SEMA5A: variants seen among roughly 807,000 people sequenced by gnomAD.
The protein encoded by SEMA5A is semaphorin 5A, also known as semaphorin-5A.
Under a neutral mutation model 135.5 loss-of-function variants are expected in SEMA5A, and 55 were observed. The observed-to-expected ratio is 0.41, with a 90% CI of 0.33 to 0.51. SEMA5A has a LOEUF of 0.51. Among genes scored for constraint, SEMA5A ranks in the 20% least tolerant of loss-of-function variants. The pLI, the probability that SEMA5A is intolerant of heterozygous loss-of-function variation, is 0.37. For synonymous variants in SEMA5A, 580 were observed against 546.5 expected (o/e 1.06, Z -0.85); for missense variants, 1,290 against 1,419.9 (o/e 0.91, Z 1.47).
chr5:9,200,414 C>A (rs1486339790), intron 9 of SEMA5A, among the ~76,000 whole-genome samples: 1 of 152,138 alleles, frequency 6.6e-6, no homozygotes, highest in Non-Finnish European at 1.5e-5. Flanking sequence ...CTAAGTAAAC[C>A]AGACTCTCCT....
intron 11 of SEMA5A, among the ~76,000 whole-genome samples, chr5:9,167,097 G>C (rs943047104): frequency 2.6e-5 from 4 of 151,632 alleles, no homozygotes; most frequent in African/African-American, 9.7e-5. Context: ...AATTCTAAAG[G>C]AAAAAAAGAG....
chr5:9,083,323 C>T (rs1022736806), intron 16 of SEMA5A, among the ~76,000 whole-genome samples: 1 of 152,048 alleles, frequency 6.6e-6, no homozygotes, highest in Non-Finnish European at 1.5e-5. Flanking sequence ...CTTTTATTGG[C>T]CAATTTACTA....
chr5:9,108,085 A>G lies in SEMA5A; in HGVS notation c.2073+55T>C, dbSNP rs1411466839. ...TGTGCAGAGAATTTTGTGTGTATTG[A>G]GTCTGTATTCCTGGTTCTGGATTGT... is the stretch of plus-strand genomic sequence containing the variant. On this transcript the variant is annotated intron_variant, in intron 16 of 22. Coordinates refer to ENST00000382496, the MANE Select transcript of SEMA5A (RefSeq NM_003966.3). 9 of 1,581,880 alleles carry G rather than the reference A, an allele frequency of 5.7e-6. No individual in the cohort carries two copies. The African/African-American group carries it at 1.2e-4, about 21-fold the overall frequency.
chr5:9,442,614 G>A (rs1758280109), intron 1 of SEMA5A, among the ~76,000 whole-genome samples: 1 of 152,166 alleles, frequency 6.6e-6, no homozygotes, highest in East Asian at 1.9e-4. Flanking sequence ...GGCCCCACAT[G>A]ACTAAGTGTG....
chr5:9,487,805 G>A (rs1734806179), intron 1 of SEMA5A, among the ~76,000 whole-genome samples: 1 of 152,034 alleles, frequency 6.6e-6, no homozygotes, highest in East Asian at 1.9e-4. Context: ...CTGTCATTGT[G>A]AATGGATCAC....
intron 11 of SEMA5A, among the ~76,000 whole-genome samples, chr5:9,174,595 A>C (rs534675888): frequency 6.6e-6 from 1 of 152,216 alleles, no homozygotes; most frequent in African/African-American, 2.4e-5. Context: ...GAATTTAATT[A>C]CAGAGGTCAA....
rs201560159 is a variant in SEMA5A at position 9,271,983 on chromosome 5, C to T, written c.271-34093G>A. Among the ~76,000 whole-genome samples, 4 of 152,028 alleles carry T rather than the reference C, an allele frequency of 2.6e-5. No individual in the cohort carries two copies. In the East Asian group the frequency reaches 5.8e-4, roughly 22 times the overall value. ...AGCCACAGGAGTTGTTTTTTCATACCCCAGTGGCACCTGGAGCACCAGCGA... is the reference window on the plus strand; with the variant it reads ...AGCCACAGGAGTTGTTTTTTCATACTCCAGTGGCACCTGGAGCACCAGCGA... On this transcript the variant is annotated intron_variant, in intron 5 of 22. Transcript: ENST00000382496.
intron 5 of SEMA5A, among the ~76,000 whole-genome samples, chr5:9,309,169 A>G (rs1019162001): frequency 6.6e-6 from 1 of 152,138 alleles, no homozygotes; most frequent in African/African-American, 2.4e-5. Context: ...TGTACTATAG[A>G]GAAAATTGAG....
At chr5:9,067,149 G>T (rs1043493380) in intron 16 of SEMA5A, among the ~76,000 whole-genome samples, 1 of 152,142 alleles carries the variant, frequency 6.6e-6, no homozygotes, top group Non-Finnish European at 1.5e-5. Context: ...TACGTATAAG[G>T]TTTCCCATCA....
At chr5:9,065,189 T>G (rs891854438) in intron 17 of SEMA5A, among the ~76,000 whole-genome samples, 1 of 152,162 alleles carries the variant, frequency 6.6e-6, no homozygotes, top group African/African-American at 2.4e-5. Context: ...AGAGTTAATG[T>G]CAGTGAGAGC....
At chr5:9,187,799 G>A (rs35119693) in intron 11 of SEMA5A, among the ~76,000 whole-genome samples, 10,792 of 152,174 alleles carry the variant, frequency 0.071, 437 homozygotes, top group East Asian at 0.17. Context: ...TATCAATATC[G>A]GAATCAGATC....
intron 12 of SEMA5A, among the ~76,000 whole-genome samples, chr5:9,139,835 A>G (rs1218587425): frequency 6.6e-6 from 1 of 152,228 alleles, no homozygotes; most frequent in Non-Finnish European, 1.5e-5. Context: ...AGCATCAAAC[A>G]TTATAGAAAG....
At chr5:9,170,426 C>T (rs1214042717) in intron 11 of SEMA5A, among the ~76,000 whole-genome samples, 1 of 152,090 alleles carries the variant, frequency 6.6e-6, no homozygotes, top group African/African-American at 2.4e-5. Flanking sequence ...ATTAAGTCTA[C>T]ATTAAAAAAT....
intron 5 of SEMA5A, among the ~76,000 whole-genome samples, chr5:9,273,333 A>T (rs1000474999): frequency 6.6e-6 from 1 of 152,188 alleles, no homozygotes; most frequent in Non-Finnish European, 1.5e-5. Context: ...GAAATATGGG[A>T]CTATGTGAAA....
At chr5:9,268,674 T>A (rs1749812428) in intron 5 of SEMA5A, among the ~76,000 whole-genome samples, 1 of 152,150 alleles carries the variant, frequency 6.6e-6, no homozygotes, top group Non-Finnish European at 1.5e-5. Flanking sequence ...TAATTAGATG[T>A]TAATAAAGAA....
chr5:9,084,401 C>T (rs1206990210), intron 16 of SEMA5A, among the ~76,000 whole-genome samples: 5 of 152,166 alleles, frequency 3.3e-5, no homozygotes, highest in African/African-American at 1.2e-4. Context: ...CCACCCAAAT[C>T]TCATCTTGTA....
At chr5:9,157,190 T>C (rs1182790711) in intron 11 of SEMA5A, among the ~76,000 whole-genome samples, 2 of 152,160 alleles carry the variant, frequency 1.3e-5, no homozygotes, top group Non-Finnish European at 2.9e-5. Context: ...ACCCTTCCTG[T>C]CTCCTTGAAG....
intron 16 of SEMA5A, among the ~76,000 whole-genome samples, chr5:9,074,694 C>A (rs1737949504): frequency 6.6e-6 from 1 of 152,172 alleles, no homozygotes; most frequent in African/African-American, 2.4e-5. Context: ...ATAGGCATTT[C>A]AACAAAGATA....
chr5:9,114,505 G>A (rs949451990), intron 15 of SEMA5A, among the ~76,000 whole-genome samples: 1 of 152,028 alleles, frequency 6.6e-6, no homozygotes, highest in African/African-American at 2.4e-5. Context: ...AACTTAAAAA[G>A]TAAACAGGAA....
Sources: gnomAD v4.1 joint callset for allele counts (sites outside exome capture counted in the v4.1 genomes callset) on GRCh38, gnomAD v4.1.1 for gene constraint, MANE v1.5 for transcripts, NCBI Gene and HGNC (gene_info 2026-07-23, HGNC 2026-07-21) for gene names.